RTN2: variants seen among roughly 807,000 people sequenced by gnomAD.
RTN2 encodes the protein reticulon-2.
RTN2 carries 36 observed loss-of-function variants against 63.7 expected under a neutral mutation model. The observed-to-expected ratio is 0.56, with a 90% CI of 0.43 to 0.75. The LOEUF is 0.75. Among genes scored for constraint, RTN2 ranks in the 30% least tolerant of loss-of-function variants. The pLI, the probability that RTN2 is intolerant of heterozygous loss-of-function variation, is 0.00. For missense variants in RTN2, 673 were observed against 705.1 expected (o/e 0.95, Z 0.52); for synonymous variants, 312 against 313.0 (o/e 1.00, Z 0.03).
rs769157154 is a variant in RTN2 at position 45,494,766 on chromosome 19, C to G, written c.319G>C (p.Asp107His). Residue 107 changes from aspartate to histidine, a missense_variant, in exon 3 of 11, where the codon GAC becomes CAC. Transcript: ENST00000245923. The surrounding 1 kb of genome is among the most constrained non-coding windows in gnomAD (Gnocchi z 5.3). ...AGGCTGGGGATGCTCTCCAAGCTGT[C>G]GCCCAGGCTGGGCTGAGGGTGCTGG... Reference protein sequence around the residue: ...RDQHPQPSLGDSLESIPSLSQ... With the variant: ...RDQHPQPSLGHSLESIPSLSQ... 1 of 1,608,064 alleles carries G rather than the reference C, an allele frequency of 6.2e-7. No homozygotes were observed. The highest frequency in any genetic ancestry group is 8.5e-7 in the Non-Finnish European group (1 of 1,179,926).
chr19:45,489,316 G>T, intron 6 of RTN2, 30 bp downstream of exon 6: 2 of 1,544,360 alleles, frequency 1.3e-6, no homozygotes, highest in Non-Finnish European at 1.8e-6. Context: ...GTCAGGACAG[G>T]GGCTCAGGTC....
chr19:45,489,626 A>G, intron 5 of RTN2, 73 bp from the exon 6 acceptor site: 1 of 1,110,170 alleles, frequency 9.0e-7, no homozygotes, highest in Non-Finnish European at 1.3e-6. Flanking sequence ...TCCCTGTCCT[A>G]CAGCTGAAAA....
At chr19:45,496,083 G>GATGATC (rs1968262493) in intron 1 of RTN2, among the ~76,000 whole-genome samples, 1 of 151,284 alleles carries the variant, frequency 6.6e-6, no homozygotes, top group African/African-American at 2.4e-5. Flanking sequence ...CAGAGATTGT[G>GATGATC]AGGCTAGGCG....
intron 5 of RTN2, among the ~76,000 whole-genome samples, chr19:45,492,907 G>A (rs1381259656): frequency 1.3e-5 from 2 of 152,132 alleles, no homozygotes; most frequent in Non-Finnish European, 2.9e-5. Context: ...CTGAGTGACA[G>A]CGCTGCCTGG....
rs149434721 is a variant in RTN2 at position 45,493,052 on chromosome 19, C to G, written c.1033+108G>C. 428 of 1,118,040 alleles carry G rather than the reference C, an allele frequency of 3.8e-4. No homozygotes were observed. The Middle Eastern group carries it at 5.3e-3, about 14-fold the overall frequency. The allele number at this position is 1,118,040 out of a possible 1,614,324, so 69.3% of individuals were successfully genotyped here. On this transcript the variant is annotated intron_variant, in intron 5 of 10. Transcript: ENST00000245923. Reference sequence around the variant, plus strand: ...CCCCTAGCCCCAGCCTGCAGCGCTGCGGAAGCAGATCAGTAATAAAAATGC... The same window carrying G: ...CCCCTAGCCCCAGCCTGCAGCGCTGGGGAAGCAGATCAGTAATAAAAATGC...
rs747284409 is a variant in RTN2 at position 45,494,157 on chromosome 19, G to A, written c.814+9C>T. 1.3e-6 allele frequency: 2 copies of A among 1,599,916 alleles called. No homozygotes were observed. Among genetic ancestry groups the A allele is most frequent in the Admixed American group, 3.3e-5 (2 of 59,936 alleles). On this transcript the variant is annotated intron_variant, in intron 4 of 10. Transcript: ENST00000245923. This position sits in a 1 kb window ranked among gnomAD's most constrained non-coding sequence, Gnocchi z 5.3. ...GGGCCAATGCAGCATCTTCATACACGTTGCTTACCTAGAAGGCGTGGCTCC... is the reference window on the plus strand; with the variant it reads ...GGGCCAATGCAGCATCTTCATACACATTGCTTACCTAGAAGGCGTGGCTCC...
At chr19:45,491,144 C>T (rs1391413661) in intron 5 of RTN2, among the ~76,000 whole-genome samples, 2 of 151,798 alleles carry the variant, frequency 1.3e-5, no homozygotes, top group African/African-American at 2.4e-5. Context: ...CCCACCTTGG[C>T]CTCCAAAAGT....
rs560649063 is a variant in RTN2, at chr19:45,485,359, G to A, written c.*349C>T. 7.1e-6 allele frequency: 2 copies of A among 281,962 alleles called. No individual in the cohort carries two copies. The highest frequency in any genetic ancestry group is 6.3e-5 in the South Asian group (1 of 15,868). The allele number at this position is 281,962 out of a possible 1,614,324, so 17.5% of individuals were successfully genotyped here. ...AGGCCTCCCCTGGGCCCCATGCAAA[G>A]CCCCGGCGTTGGGGCTAGTAGCATC... On this transcript the variant is annotated 3_prime_UTR_variant, in exon 11 of 11. Transcript: ENST00000245923.
Position 45,494,833 on chromosome 19 carries a change from G to C in RTN2, c.252C>G (p.Arg84=), listed in dbSNP as rs755428380. ...GSGGRRDSTA[R]RPRPQGRSVS... Reference sequence around the variant, plus strand: ...CTGAGCGGCCCTGGGGGCGGGGGCGGCGGGCAGTTGAATCCCTGCGGCCCC... The same window carrying C: ...CTGAGCGGCCCTGGGGGCGGGGGCGCCGGGCAGTTGAATCCCTGCGGCCCC... The change falls in exon 3 of 11, where the codon CGC becomes CGG. Residue 84 remains arginine, a synonymous_variant. Coordinates refer to ENST00000245923, the MANE Select transcript of RTN2 (RefSeq NM_005619.5). The surrounding 1 kb of genome is among the most constrained non-coding windows in gnomAD (Gnocchi z 5.3). The C allele has an allele frequency of 6.2e-7, 1 of 1,603,576 alleles. No individual in the cohort carries two copies. The highest frequency in any genetic ancestry group is 2.2e-5 in the East Asian group (1 of 44,870).
intron 5 of RTN2, 108 bp downstream of exon 5, chr19:45,493,052 C>A: frequency 1.8e-6 from 2 of 1,118,044 alleles, no homozygotes; most frequent in Non-Finnish European, 2.7e-6. Flanking sequence ...TGCAGCGCTG[C>A]GGAAGCAGAT....
chr19:45,496,728 C>T, intron 1 of RTN2, 64 bp downstream of exon 1: 2 of 1,172,922 alleles, frequency 1.7e-6, no homozygotes, highest in Non-Finnish European at 2.3e-6. Flanking sequence ...GCCGAGGGGA[C>T]ACCGGGGAGT....
At chr19:45,495,478 A>G (rs1361938814) in intron 1 of RTN2, among the ~76,000 whole-genome samples, 1 of 152,190 alleles carries the variant, frequency 6.6e-6, no homozygotes, top group East Asian at 1.9e-4. Context: ...CTGCCCTCCT[A>G]GAGCTGACAC....
chr19:45,494,481 C>A lies in RTN2; in HGVS notation c.559+45G>T. 1 of 1,603,666 alleles carries A rather than the reference C, an allele frequency of 6.2e-7. No homozygotes were observed. The highest frequency in any genetic ancestry group is 8.5e-7 in the Non-Finnish European group (1 of 1,173,388). On this transcript the variant is annotated intron_variant, in intron 3 of 10. Coordinates refer to ENST00000245923, the MANE Select transcript of RTN2 (RefSeq NM_005619.5). The surrounding 1 kb of genome is among the most constrained non-coding windows in gnomAD (Gnocchi z 5.3). ...TCTTGGAGGTGCCCCAAGGAGAAAC[C>A]ACCCACCCCTCTTGGCTTTGGTCCC...
At chr19:45,496,668 C>A (rs1968277658) in intron 1 of RTN2, 124 bp downstream of exon 1, 3 of 580,520 alleles carry the variant, frequency 5.2e-6, no homozygotes, top group Non-Finnish European at 8.1e-6. Context: ...GGAGAGCTTC[C>A]TTTGTCTCCT....
chr19:45,495,278 CA>C, intron 1 of RTN2, 139 bp from the exon 2 acceptor site: 1 of 944,032 alleles, frequency 1.1e-6, no homozygotes, highest in Non-Finnish European at 1.6e-6. Flanking sequence ...AACCTAGCAT[CA>C]CTGCCTGATG....
At position 45,485,343 on chromosome 19, in the gene RTN2, CT is replaced by C. The variant is rs1336512736; in HGVS notation, c.*364del. On this transcript the variant is annotated 3_prime_UTR_variant, in exon 11 of 11. Transcript: ENST00000245923. ...GTGTAAATCCAAGCTCAGGCCTCCC[CT>C]GGGCCCCATGCAAAGCCCCGGCGTT... is the stretch of plus-strand genomic sequence containing the variant. The C allele has an allele frequency of 2.3e-5, 6 of 265,336 alleles. No homozygotes were observed. The Admixed American group carries it at 2.9e-4, about 13-fold the overall frequency. The allele number at this position is 265,336 out of a possible 1,614,324, so 16.4% of individuals were successfully genotyped here.
chr19:45,496,570 G>A (rs1032902720), intron 1 of RTN2: 19 of 374,652 alleles, frequency 5.1e-5, no homozygotes, highest in Non-Finnish European at 8.6e-5. Context: ...CCCCCCGCCT[G>A]CTGTCTCAGT....
chr19:45,493,235 G>C lies in RTN2; in HGVS notation c.958C>G (p.Leu320Val). The change falls in exon 5 of 11, where the codon CTA becomes GTA. Residue 320 changes from leucine (L) to valine (V), a missense_variant. Physicochemically the swap from Leu to Val is conservative, Grantham distance 32. Coordinates refer to ENST00000245923, the MANE Select transcript of RTN2 (RefSeq NM_005619.5). The stretch of plus-strand genomic sequence containing the variant: ...CTCGGGGATTTTGCCCACTTCAGTA[G>C]AACCCGGAGGACAGGAGTAGGGGGG... ...PTPPTPVLRVLLKWAKSPRSS... is the reference protein window; with the variant it reads ...PTPPTPVLRVVLKWAKSPRSS... The C allele has an allele frequency of 6.8e-6, 11 of 1,613,874 alleles. No homozygotes were observed. The highest frequency in any genetic ancestry group is 8.5e-6 in the Non-Finnish European group (10 of 1,180,028).
In RTN2 at chr19:45,494,089, T is replaced by C. The variant is rs12609601; in HGVS notation, c.814+77A>G. 122,828 of 1,557,812 alleles carry C rather than the reference T, an allele frequency of 0.079. 6,075 individuals carry two copies. Among genetic ancestry groups the C allele is most frequent in the East Asian group, 0.2 (9,042 of 44,524 alleles). On this transcript the variant is annotated intron_variant, in intron 4 of 10. Coordinates refer to ENST00000245923, the MANE Select transcript of RTN2 (RefSeq NM_005619.5). This position sits in a 1 kb window ranked among gnomAD's most constrained non-coding sequence, Gnocchi z 5.3. ...CACTATGTACTGTTCCTTTGCGAGG[T>C]TGGTCCCTTTAATTCAAAATCCTCT...
Sources: allele counts gnomAD v4.1 joint callset (sites outside exome capture counted in the v4.1 genomes callset), GRCh38; gene constraint gnomAD v4.1.1; non-coding constraint Gnocchi (gnomAD v3.1); transcripts MANE v1.5; gene names NCBI Gene and HGNC (gene_info 2026-07-23, HGNC 2026-07-21).